The following PTPRG variants were observed in gnomAD, a reference collection of about 807,000 sequenced individuals.
The protein encoded by PTPRG is receptor-type tyrosine-protein phosphatase gamma.
A neutral mutation model predicts 165.3 loss-of-function variants in PTPRG; 102 were observed. The ratio of observed to expected loss-of-function variants is 0.62; its 90% CI spans 0.53 to 0.73. PTPRG has a LOEUF of 0.73. Among genes scored for constraint, PTPRG ranks in the 30% least tolerant of loss-of-function variants. The pLI is 0.00. For synonymous variants in PTPRG, 675 were observed against 669.5 expected, an observed-to-expected ratio of 1.01 and a Z score of -0.13; for missense variants, 1,866 against 1,861.4, an observed-to-expected ratio of 1.00 and a Z score of -0.05.
intron 1 of PTPRG, among the ~76,000 whole-genome samples, chr3:61,596,016 A>T (rs1459834073): frequency 6.6e-6 from 1 of 152,198 alleles, no homozygotes; most frequent in African/African-American, 2.4e-5. Flanking sequence ...CCATTTAGGC[A>T]GAAGGACAAT....
intron 2 of PTPRG, among the ~76,000 whole-genome samples, chr3:61,854,109 C>G (rs1012524534): frequency 5.3e-5 from 8 of 152,208 alleles, no homozygotes; most frequent in African/African-American, 1.9e-4. Flanking sequence ...GAGTTGACAG[C>G]AAGAGAATGA....
At chr3:62,124,187 AAAG>A (rs945400161) in intron 5 of PTPRG, 1 of 795,932 alleles carries the variant, frequency 1.3e-6, no homozygotes, top group Non-Finnish European at 2.1e-6. Context: ...CAAAGAAAAA[AAAG>A]AAGTCATGAT....
At chr3:61,998,073 G>T (rs1440477732) in intron 3 of PTPRG, among the ~76,000 whole-genome samples, 1 of 152,174 alleles carries the variant, frequency 6.6e-6, no homozygotes, top group Non-Finnish European at 1.5e-5. Context: ...TGTTTACTCA[G>T]ATTTTGGTGT....
chr3:62,276,636 T>C (rs1702240647), intron 24 of PTPRG: 2 of 251,904 alleles, frequency 7.9e-6, no homozygotes, highest in South Asian at 2.0e-4. Context: ...AAGTATATGT[T>C]GGTATAATTG....
At chr3:61,741,373 A>G (rs963711665) in intron 1 of PTPRG, among the ~76,000 whole-genome samples, 4 of 152,206 alleles carry the variant, frequency 2.6e-5, no homozygotes, top group African/African-American at 4.8e-5. Flanking sequence ...GACTCTGTAT[A>G]TGAGAACCAC....
chr3:61,791,688 A>G (rs1312840246), intron 2 of PTPRG, among the ~76,000 whole-genome samples: 1 of 152,162 alleles, frequency 6.6e-6, no homozygotes, highest in Admixed American at 6.5e-5. Flanking sequence ...GGGTTTCACC[A>G]TGTTGGCCAG....
At chr3:61,672,124 C>T (rs1202350739) in intron 1 of PTPRG, among the ~76,000 whole-genome samples, 2 of 149,130 alleles carry the variant, frequency 1.3e-5, no homozygotes, top group Non-Finnish European at 3.0e-5. Context: ...AGACGATGGG[C>T]GGCCGGGCAG....
Position 61,828,711 on chromosome 3 carries a change from A to G in PTPRG, c.190+79729A>G, listed in dbSNP as rs192657358. 1.8e-3 allele frequency among the ~76,000 whole-genome samples: 279 copies of G among 152,300 alleles called. 1 individual carries two copies. Among genetic ancestry groups the G allele is most frequent in the African/African-American group, 6.5e-3 (269 of 41,574 alleles). ...GATAGGATAGTATTGGACTTGAGCC[A>G]ATGGGAATTGGCTTGGTGAAGACCT... is the stretch of plus-strand genomic sequence containing the variant. On this transcript the variant is annotated intron_variant, in intron 2 of 29. Transcript: ENST00000474889.
intron 13 of PTPRG, among the ~76,000 whole-genome samples, chr3:62,227,915 C>G (rs1262933143): frequency 6.6e-6 from 1 of 152,200 alleles, no homozygotes; most frequent in Non-Finnish European, 1.5e-5. Context: ...CTGGCTTCTT[C>G]TGATAAACCG....
At chr3:61,746,421 G>A (rs2033208754) in intron 1 of PTPRG, among the ~76,000 whole-genome samples, 1 of 151,940 alleles carries the variant, frequency 6.6e-6, no homozygotes, top group Admixed American at 6.6e-5. Context: ...GTGTTAGCCA[G>A]GATGGCACAC....
chr3:61,783,934 G>T (rs1028766182), intron 2 of PTPRG, among the ~76,000 whole-genome samples: 2 of 152,156 alleles, frequency 1.3e-5, no homozygotes, highest in Non-Finnish European at 1.5e-5. Context: ...TGTACTGTTG[G>T]AAAAGTTCAT....
chr3:61,674,034 G>A (rs1425163059), intron 1 of PTPRG, among the ~76,000 whole-genome samples: 2 of 151,012 alleles, frequency 1.3e-5, no homozygotes, highest in African/African-American at 4.9e-5. Context: ...TCTTTGTGGG[G>A]TGGGTGGGGT....
intron 1 of PTPRG, among the ~76,000 whole-genome samples, chr3:61,605,565 ATT>A (rs1327207321): frequency 2.4e-5 from 2 of 82,554 alleles, no homozygotes; most frequent in African/African-American, 5.9e-5. Context: ...CAATTTTTTT[ATT>A]TTTTTGTTTT....
At chr3:61,762,468 G>A (rs544950171) in intron 2 of PTPRG, among the ~76,000 whole-genome samples, 2 of 152,024 alleles carry the variant, frequency 1.3e-5, no homozygotes, top group Admixed American at 6.6e-5. Context: ...AAAAGTAGCC[G>A]GGTGTAGTGG....
At chr3:62,109,379 C>A (rs921736115) in intron 5 of PTPRG, among the ~76,000 whole-genome samples, 1 of 152,062 alleles carries the variant, frequency 6.6e-6, no homozygotes, top group East Asian at 1.9e-4. Context: ...ATTTCTGAGG[C>A]CTCTGTTCTG....
intron 1 of PTPRG, among the ~76,000 whole-genome samples, chr3:61,623,752 C>A (rs1701529468): frequency 6.6e-6 from 1 of 152,140 alleles, no homozygotes; most frequent in African/African-American, 2.4e-5. Flanking sequence ...AAAGAAGACA[C>A]AAAACCTTCA....
At chr3:62,054,619 G>A (rs1700572246) in intron 4 of PTPRG, among the ~76,000 whole-genome samples, 1 of 152,202 alleles carries the variant, frequency 6.6e-6, no homozygotes, top group Admixed American at 6.5e-5. Context: ...AGCAATAGAG[G>A]TTGAGGCAGC....
At chr3:61,719,941 C>T (rs2031978509) in intron 1 of PTPRG, among the ~76,000 whole-genome samples, 1 of 152,202 alleles carries the variant, frequency 6.6e-6, no homozygotes, top group Admixed American at 6.5e-5. Context: ...TCACATTTTC[C>T]TAAGGCCTTT....
intron 4 of PTPRG, among the ~76,000 whole-genome samples, chr3:62,005,226 C>G (rs971377322): frequency 6.6e-6 from 1 of 152,166 alleles, no homozygotes; most frequent in Non-Finnish European, 1.5e-5. Context: ...GTCACAATAA[C>G]GATATCTTTC....
Sources: allele counts gnomAD v4.1 joint callset (sites outside exome capture counted in the v4.1 genomes callset), GRCh38; gene constraint gnomAD v4.1.1; transcripts MANE v1.5; gene names NCBI Gene and HGNC (gene_info 2026-07-23, HGNC 2026-07-21).